The following B3GALT1 variants were observed in gnomAD, a reference collection of about 807,000 sequenced individuals.
B3GALT1 encodes UDP-Gal:betaGlcNAc beta 1,3-galactosyltransferase, polypeptide 1.
B3GALT1 carries 10 observed loss-of-function variants against 23.2 expected under a neutral mutation model. The ratio of observed to expected loss-of-function variants is 0.43; its 90% confidence interval spans 0.27 to 0.73. The LOEUF is 0.73. B3GALT1 is among the 30% of genes least tolerant of loss of function. The pLI, the probability that B3GALT1 is intolerant of heterozygous loss-of-function variation, is 0.21. For missense variants in B3GALT1, 299 were observed against 405.4 expected (o/e 0.74, Z 2.25); for synonymous variants, 156 against 141.5 (o/e 1.10, Z -0.73).
At chr2:167,662,227 C>G (rs1427207125) in intron 3 of B3GALT1, among the ~76,000 whole-genome samples, 1 of 152,070 alleles carries the variant, frequency 6.6e-6, no homozygotes, top group Non-Finnish European at 1.5e-5. Flanking sequence ...TATTTGTCAT[C>G]CAGATGCTTG....
At chr2:167,315,149 A>AT (rs1366348484) in intron 1 of B3GALT1, among the ~76,000 whole-genome samples, 2 of 152,230 alleles carry the variant, frequency 1.3e-5, no homozygotes, top group East Asian at 3.8e-4. Context: ...CTTGTTTGAC[A>AT]TAATAAAATG....
intron 2 of B3GALT1, among the ~76,000 whole-genome samples, chr2:167,531,648 A>G (rs145332030): frequency 4.6e-5 from 7 of 152,252 alleles, no homozygotes; most frequent in African/African-American, 1.7e-4. Context: ...TCTAGATAGG[A>G]TCATTATTAT....
intron 1 of B3GALT1, among the ~76,000 whole-genome samples, chr2:167,354,321 A>C (rs1035083716): frequency 3.3e-5 from 5 of 150,042 alleles, no homozygotes; most frequent in African/African-American, 1.2e-4. Context: ...CTAGTAGACT[A>C]GTTGTTTCTT....
At chr2:167,388,637 G>T (rs554693884) in intron 1 of B3GALT1, among the ~76,000 whole-genome samples, 7 of 152,132 alleles carry the variant, frequency 4.6e-5, no homozygotes, top group Admixed American at 3.3e-4. Flanking sequence ...GGTAGCCAAG[G>T]TTCTCAAGCC....
intron 2 of B3GALT1, among the ~76,000 whole-genome samples, chr2:167,561,267 G>C (rs1051695658): frequency 6.6e-6 from 1 of 152,130 alleles, no homozygotes. Flanking sequence ...CAAGAACAAA[G>C]ACACAACATA....
At chr2:167,345,698 G>A (rs531649076) in intron 1 of B3GALT1, among the ~76,000 whole-genome samples, 1 of 152,222 alleles carries the variant, frequency 6.6e-6, no homozygotes, top group Admixed American at 6.5e-5. Context: ...ATAAGACACA[G>A]TACTCTCATG....
At chr2:167,669,373 G>C (rs1461560922) in intron 3 of B3GALT1, among the ~76,000 whole-genome samples, 1 of 152,186 alleles carries the variant, frequency 6.6e-6, no homozygotes, top group African/African-American at 2.4e-5. Flanking sequence ...AAGATATCTT[G>C]AGGACAGAGT....
intron 3 of B3GALT1, among the ~76,000 whole-genome samples, chr2:167,809,949 G>T (rs1574274707): frequency 6.6e-6 from 1 of 152,320 alleles, no homozygotes; most frequent in Non-Finnish European, 1.5e-5. Context: ...GAGCTTCCTG[G>T]CTGCTTTGTT....
intron 4 of B3GALT1, among the ~76,000 whole-genome samples, chr2:167,861,417 C>T (rs943740098): frequency 5.9e-5 from 9 of 151,970 alleles, no homozygotes; most frequent in Admixed American, 3.9e-4. Context: ...CTCTGGAGGC[C>T]GGAGGAATTT....
Position 167,438,925 on chromosome 2 carries a change from G to A in B3GALT1, c.-510-51252G>A, listed in dbSNP as rs538763515. 3.9e-5 allele frequency among the ~76,000 whole-genome samples: 6 copies of A among 152,290 alleles called. No individual in the cohort carries two copies. The South Asian group carries it at 1.0e-3, about 26-fold the overall frequency. On this transcript the variant is annotated intron_variant, in intron 1 of 4. Transcript: ENST00000392690. The stretch of plus-strand genomic sequence containing the variant: ...CTATTTCCCCCTCTCCCATGGAAGT[G>A]TGTCCATCTATAGCGCATAGAAAGA...
At chr2:167,524,131 C>T (rs550690054) in intron 2 of B3GALT1, among the ~76,000 whole-genome samples, 57 of 152,202 alleles carry the variant, frequency 3.7e-4, no homozygotes, top group African/African-American at 1.3e-3. Flanking sequence ...CATACCACAT[C>T]GAACATTTTT....
At chr2:167,327,739 A>T (rs1374820333) in intron 1 of B3GALT1, among the ~76,000 whole-genome samples, 1 of 151,542 alleles carries the variant, frequency 6.6e-6, no homozygotes, top group African/African-American at 2.4e-5. Flanking sequence ...ATTGCTGTGG[A>T]TAGGACTTCC....
intron 4 of B3GALT1, among the ~76,000 whole-genome samples, chr2:167,868,367 A>G (rs1172961494): frequency 1.3e-5 from 2 of 152,184 alleles, no homozygotes; most frequent in Non-Finnish European, 2.9e-5. Flanking sequence ...TTGAGAATCA[A>G]TTCCTTCACC....
At chr2:167,582,507 G>C (rs548400991) in intron 2 of B3GALT1, among the ~76,000 whole-genome samples, 1 of 152,310 alleles carries the variant, frequency 6.6e-6, no homozygotes, top group Admixed American at 6.5e-5. Context: ...AAGTAAAGAC[G>C]TACTAAAGAT....
chr2:167,323,969 A>T (rs1375531882), intron 1 of B3GALT1, among the ~76,000 whole-genome samples: 1 of 151,976 alleles, frequency 6.6e-6, no homozygotes, highest in East Asian at 1.9e-4. Flanking sequence ...CCATTTTGAA[A>T]TTTGATCAAT....
chr2:167,669,796 A>G (rs1686289930), intron 3 of B3GALT1, among the ~76,000 whole-genome samples: 3 of 152,252 alleles, frequency 2.0e-5, no homozygotes, highest in Admixed American at 6.5e-5. Flanking sequence ...TATCAGGGAA[A>G]ATGAGACAGT....
chr2:167,642,685 G>A (rs1186507841), intron 2 of B3GALT1, among the ~76,000 whole-genome samples: 1 of 152,096 alleles, frequency 6.6e-6, no homozygotes, highest in African/African-American at 2.4e-5. Flanking sequence ...GCTAAATATA[G>A]CCTATAACCT....
chr2:167,316,964 TTTTG>T (rs1452874432), intron 1 of B3GALT1, among the ~76,000 whole-genome samples: 2 of 152,110 alleles, frequency 1.3e-5, no homozygotes, highest in African/African-American at 2.4e-5. Flanking sequence ...ACTGGTTTTG[TTTTG>T]TTTGTGTGTG....
intron 1 of B3GALT1, among the ~76,000 whole-genome samples, chr2:167,345,838 C>G (rs1441356404): frequency 6.6e-6 from 1 of 152,142 alleles, no homozygotes. Flanking sequence ...AATGGCTTCA[C>G]TGAGTGGAGT....
Sources: allele counts gnomAD v4.1 joint callset (sites outside exome capture counted in the v4.1 genomes callset), GRCh38; gene constraint gnomAD v4.1.1; transcripts MANE v1.5; gene names NCBI Gene and HGNC (gene_info 2026-07-23, HGNC 2026-07-21).